TRPS1: variants seen among roughly 807,000 people sequenced by gnomAD.
The protein encoded by TRPS1 is transcriptional repressor GATA binding 1.
TRPS1 carries 6 observed loss-of-function variants against 101.2 expected under a neutral mutation model. That is an observed-to-expected ratio of 0.06 (90% CI 0.03 to 0.12). The LOEUF is 0.12. Ranked by LOEUF, TRPS1 falls within the 10% of genes least tolerant of loss-of-function variation. TRPS1 has a pLI of 1.00. For synonymous variants in TRPS1, 578 were observed against 589.8 expected (o/e 0.98, Z 0.29); for missense variants, 1,363 against 1,567.0 (o/e 0.87, Z 2.20).
intron 1 of TRPS1, chr8:115,668,050 A>G: frequency 2.4e-6 from 1 of 408,522 alleles, no homozygotes. Context: ...TGGGGCTGCG[A>G]GGGGGAGGGG....
rs201493150 is a variant in TRPS1 at position 115,663,013 on chromosome 8, A to AT, written c.-122+5531dup. On this transcript the variant is annotated intron_variant, in intron 1 of 6. Transcript: ENST00000395715. ...TCTCCATTGAAACAAAAACAAATGG[A>AT]TTTTTTTTCCAAATAAGAAAGAAAT... is the stretch of plus-strand genomic sequence containing the variant. Among the ~76,000 whole-genome samples, 478 of 151,946 alleles carry AT rather than the reference A, an allele frequency of 3.1e-3. 2 individuals are homozygous for AT. The highest frequency in any genetic ancestry group is 0.029 in the East Asian group (152 of 5,174).
In TRPS1 at chr8:115,414,939, C is replaced by T; in HGVS notation, c.2969G>A (p.Gly990Glu). The part of the protein sequence containing the change: ...QRGSNEEQVN[G>E]SPLERRSEDH... The stretch of plus-strand genomic sequence containing the variant: ...TTCTGACCTCCTCTCTAACGGGCTT[C>T]CATTGACTTGCTCCTCATTGCTGCC... The change falls in exon 7 of 7, where the codon GGA becomes GAA. Residue 990 changes from glycine (G) to glutamate (E), a missense_variant. Around this residue, in one of 5 missense-constraint regions of TRPS1, gnomAD observed 307 missense variants for 392.4 expected, o/e 0.78. Coordinates refer to ENST00000395715, the MANE Select transcript of TRPS1 (RefSeq NM_014112.5). The surrounding 1 kb of genome is among the most constrained non-coding windows in gnomAD (Gnocchi z 4.8). 6.3e-7 allele frequency: 1 copy of T among 1,597,860 alleles called. No homozygotes were observed. Among genetic ancestry groups the T allele is most frequent in the African/African-American group, 1.3e-5 (1 of 74,226 alleles).
At chr8:115,576,034 T>C (rs1817309465) in intron 5 of TRPS1, among the ~76,000 whole-genome samples, 2 of 152,276 alleles carry the variant, frequency 1.3e-5, no homozygotes, top group Admixed American at 1.3e-4. Flanking sequence ...AAGGAGACTT[T>C]AAGCATGTCA....
intron 5 of TRPS1, among the ~76,000 whole-genome samples, chr8:115,464,373 T>C (rs898385653): frequency 1.3e-5 from 2 of 152,132 alleles, no homozygotes; most frequent in Non-Finnish European, 2.9e-5. Context: ...TATTCCTGGA[T>C]AGAATTCAGT....
At chr8:115,482,838 T>C (rs1179448784) in intron 5 of TRPS1, among the ~76,000 whole-genome samples, 2 of 152,198 alleles carry the variant, frequency 1.3e-5, no homozygotes, top group Non-Finnish European at 2.9e-5. Context: ...GAACCCCACC[T>C]TAACTGAAAC....
rs1179859961 is a variant in TRPS1, at chr8:115,667,822, C to T, written c.-122+723G>A. 9 of 1,533,990 alleles carry T rather than the reference C, an allele frequency of 5.9e-6. No individual in the cohort carries two copies. In the Admixed American group the frequency reaches 7.9e-5, roughly 13 times the overall value. On this transcript the variant is annotated intron_variant, in intron 1 of 6. Coordinates refer to ENST00000395715, the MANE Select transcript of TRPS1 (RefSeq NM_014112.5). ...CTGTTTTCCCACTTTGGAGACCATA[C>T]GGAGGCCCGTCTCTGAGACCCTCCC...
At chr8:115,606,746 A>G (rs1818045895) in intron 3 of TRPS1, among the ~76,000 whole-genome samples, 2 of 151,292 alleles carry the variant, frequency 1.3e-5, no homozygotes, top group South Asian at 4.2e-4. Flanking sequence ...AATTCATAAT[A>G]TTGTAAAAAT....
chr8:115,636,888 G>T (rs1818779115), intron 1 of TRPS1, among the ~76,000 whole-genome samples: 1 of 151,574 alleles, frequency 6.6e-6, no homozygotes, highest in Non-Finnish European at 1.5e-5. Flanking sequence ...CTCCAGCCTG[G>T]GCAACAGAGT....
intron 5 of TRPS1, among the ~76,000 whole-genome samples, chr8:115,546,581 G>GACACACACACACACACACAC (rs71287285): frequency 6.8e-6 from 1 of 147,810 alleles, no homozygotes; most frequent in African/African-American, 2.5e-5. Flanking sequence ...TGTAAAATGT[G>GACACACACACACACACACAC]ACACACACAC....
chr8:115,621,427 A>G (rs1216354885), intron 2 of TRPS1, among the ~76,000 whole-genome samples: 1 of 152,220 alleles, frequency 6.6e-6, no homozygotes, highest in East Asian at 1.9e-4. Flanking sequence ...ATTTTCATCT[A>G]TAATTTCTCA....
intron 5 of TRPS1, among the ~76,000 whole-genome samples, chr8:115,462,641 C>T (rs61112348): frequency 0.036 from 2,279 of 62,804 alleles, 65 homozygotes; most frequent in African/African-American, 0.1. Flanking sequence ...CTCTCTCTCT[C>T]TTTTTTTTTT....
chr8:115,652,098 T>TAGATTAAG (rs1450924572), intron 1 of TRPS1, among the ~76,000 whole-genome samples: 2 of 152,130 alleles, frequency 1.3e-5, no homozygotes, highest in African/African-American at 4.8e-5. Context: ...TAAGAGAACA[T>TAGATTAAG]TCAATGATAG....
chr8:115,533,974 C>T (rs1169670686), intron 5 of TRPS1, among the ~76,000 whole-genome samples: 2 of 152,186 alleles, frequency 1.3e-5, no homozygotes, highest in Non-Finnish European at 2.9e-5. Context: ...AGCCCCATCC[C>T]GAAACACCAT....
At chr8:115,658,762 A>G (rs1055182339) in intron 1 of TRPS1, among the ~76,000 whole-genome samples, 1 of 152,184 alleles carries the variant, frequency 6.6e-6, no homozygotes, top group African/African-American at 2.4e-5. Flanking sequence ...CTAAATACAA[A>G]TATGTGTAAC....
rs1483584 is a variant in TRPS1 at position 115,538,961 on chromosome 8, C to G, written c.2700+48040G>C. On this transcript the variant is annotated intron_variant, in intron 5 of 6. Transcript: ENST00000395715. ...TAAAGTATTCTCTTACCTTGCATAT[C>G]TACATCAAAGAAAACCATAAGGAAA... is the stretch of plus-strand genomic sequence containing the variant. 9.5e-3 allele frequency among the ~76,000 whole-genome samples: 1,442 copies of G among 152,262 alleles called. 22 individuals are homozygous for G. The highest frequency in any genetic ancestry group is 0.033 in the African/African-American group (1,380 of 41,554).
chr8:115,655,393 T>C (rs1811655087), intron 1 of TRPS1, among the ~76,000 whole-genome samples: 1 of 152,146 alleles, frequency 6.6e-6, no homozygotes, highest in South Asian at 2.1e-4. Flanking sequence ...CTGAACATTG[T>C]ACACTTTGGC....
At position 115,535,192 on chromosome 8, in the gene TRPS1, CAT is replaced by C. The variant is rs762115889; in HGVS notation, c.2700+51807_2700+51808del. Among the ~76,000 whole-genome samples the C allele has an allele frequency of 1.4e-3, 107 of 76,678 alleles. 2 individuals are homozygous for C. Among genetic ancestry groups the C allele is most frequent in the African/African-American group, 3.3e-3 (47 of 14,090 alleles). 50.3% of individuals were successfully genotyped at this position (76,678 alleles called of 152,430 possible). A position where few individuals can be genotyped will look rare whatever the true frequency, so the allele number is the denominator to read the frequency against. On this transcript the variant is annotated intron_variant, in intron 5 of 6. Transcript: ENST00000395715. ...TATTGCATATATAGCATATGTATAG[CAT>C]ATATATAGCATATGTATAGCATATA...
At chr8:115,610,920 C>A (rs1818147027) in intron 3 of TRPS1, among the ~76,000 whole-genome samples, 1 of 151,970 alleles carries the variant, frequency 6.6e-6, no homozygotes, top group South Asian at 2.1e-4. Flanking sequence ...AGTTCGAGAC[C>A]AGCCTGGCCA....
At chr8:115,492,095 A>T in intron 5 of TRPS1, 1 of 427,408 alleles carries the variant, frequency 2.3e-6, no homozygotes, top group South Asian at 1.7e-5. Context: ...AAAGAAAAAA[A>T]ATCTATTGAG....
Sources: allele counts gnomAD v4.1 joint callset (sites outside exome capture counted in the v4.1 genomes callset), GRCh38; gene constraint gnomAD v4.1.1; regional missense constraint gnomAD v4.1.1; non-coding constraint Gnocchi (gnomAD v3.1); transcripts MANE v1.5; gene names NCBI Gene and HGNC (gene_info 2026-07-23, HGNC 2026-07-21).